Variants in CNBD1 observed in about 807,000 individuals in gnomAD.
CNBD1 encodes cyclic nucleotide binding domain containing 1, also known as cyclic nucleotide-binding domain-containing protein 1.
In CNBD1, 71 loss-of-function variants were observed where a neutral mutation model predicts 54.4. That is an observed-to-expected ratio of 1.30 (90% CI 1.08 to 1.59). The LOEUF (loss-of-function observed/expected upper bound fraction) is 1.59. Ranked by LOEUF, CNBD1 falls within the 40% of genes most tolerant of loss-of-function variation. The pLI is 0.00. For missense variants in CNBD1, 659 were observed against 518.0 expected (o/e 1.27, Z -2.64); for synonymous variants, 182 against 170.7 (o/e 1.07, Z -0.51).
chr8:86,873,620 C>A (rs1431206632), intron 1 of CNBD1, among the ~76,000 whole-genome samples: 1 of 151,786 alleles, frequency 6.6e-6, no homozygotes, highest in African/African-American at 2.4e-5. Flanking sequence ...ATAGTGAGAC[C>A]CTGTTTCTAC....
At chr8:87,217,334 A>G (rs948476125) in intron 5 of CNBD1, among the ~76,000 whole-genome samples, 2 of 152,078 alleles carry the variant, frequency 1.3e-5, no homozygotes, top group African/African-American at 4.8e-5. Flanking sequence ...ATCGTCACTC[A>G]GTTTTGTACC....
At chr8:87,198,981 T>C (rs1396592349) in intron 4 of CNBD1, among the ~76,000 whole-genome samples, 4 of 152,144 alleles carry the variant, frequency 2.6e-5, no homozygotes, top group African/African-American at 9.7e-5. Flanking sequence ...AATAGGCATG[T>C]CACAGGGTGA....
chr8:87,421,608 T>C (rs968110090), intron 2 of CNBD1, among the ~76,000 whole-genome samples: 1 of 152,050 alleles, frequency 6.6e-6, no homozygotes, highest in African/African-American at 2.4e-5. Context: ...CATGAACTCA[T>C]CATTTTTATG....
intron 4 of CNBD1, among the ~76,000 whole-genome samples, chr8:86,972,687 G>C (rs149169136): frequency 1.3e-5 from 2 of 152,248 alleles, no homozygotes; most frequent in Non-Finnish European, 2.9e-5. Flanking sequence ...TTTACAAACT[G>C]CATCAGCTGT....
intron 5 of CNBD1, among the ~76,000 whole-genome samples, chr8:87,209,804 G>A (rs1343088691): frequency 6.6e-6 from 1 of 152,082 alleles, no homozygotes; most frequent in Non-Finnish European, 1.5e-5. Flanking sequence ...AAAAACACAA[G>A]GCAATGGCAT....
At chr8:87,126,114 T>G (rs1321471769) in intron 4 of CNBD1, among the ~76,000 whole-genome samples, 2 of 152,004 alleles carry the variant, frequency 1.3e-5, no homozygotes, top group African/African-American at 4.8e-5. Flanking sequence ...TTCTGGCTAT[T>G]ACACATAAAG....
At chr8:87,369,643 T>G (rs1248445313) in intron 10 of CNBD1, among the ~76,000 whole-genome samples, 2 of 152,046 alleles carry the variant, frequency 1.3e-5, no homozygotes, top group Non-Finnish European at 2.9e-5. Flanking sequence ...TCTTCTGGCC[T>G]CTATAGTTTC....
chr8:87,186,218 C>T (rs746000766), intron 4 of CNBD1, among the ~76,000 whole-genome samples: 12 of 152,058 alleles, frequency 7.9e-5, no homozygotes, highest in African/African-American at 2.9e-4. Context: ...GATATTCTTA[C>T]TTGGCGTATC....
At chr8:87,285,398 G>C (rs1808674222) in intron 7 of CNBD1, among the ~76,000 whole-genome samples, 1 of 151,894 alleles carries the variant, frequency 6.6e-6, no homozygotes, top group African/African-American at 2.4e-5. Flanking sequence ...ATTTTTTCTT[G>C]ACTCCTATTT....
Position 86,887,610 on chromosome 8 carries a change from A to C in CNBD1, c.157A>C (p.Ser53Arg). The change falls in exon 2 of 11, where the codon AGC becomes CGC. Residue 53 changes from serine (S) to arginine (R), a missense_variant and splice_region_variant. Ser to Arg is a moderately radical substitution (Grantham distance 110, BLOSUM62 -1). Coordinates refer to ENST00000518476, the MANE Select transcript of CNBD1 (RefSeq NM_173538.3). ...ATTATGCCACATTAGAGGACAACAC[A>C]GGTAAGCTATTCATGCATTTCTTTT... ...NALCHIRGQHSRSMSNILSAH... is the reference protein window; with the variant it reads ...NALCHIRGQHRRSMSNILSAH... 1.9e-6 allele frequency: 3 copies of C among 1,574,110 alleles called. No individual in the cohort carries two copies. The highest frequency in any genetic ancestry group is 2.6e-6 in the Non-Finnish European group (3 of 1,156,050).
rs191300954 is a variant in CNBD1, at chr8:86,923,498, C to T, written c.273-16098C>T. On this transcript the variant is annotated intron_variant, in intron 3 of 10. Coordinates refer to ENST00000518476, the MANE Select transcript of CNBD1 (RefSeq NM_173538.3). Reference sequence around the variant, plus strand: ...GCTGGTGTTAATTGGTCTTAGGGTCCCTGCCCCTAGACCCAGGTGTTTTCC... The same window carrying T: ...GCTGGTGTTAATTGGTCTTAGGGTCTCTGCCCCTAGACCCAGGTGTTTTCC... 2.3e-3 allele frequency among the ~76,000 whole-genome samples: 354 copies of T among 152,150 alleles called. 2 individuals are homozygous for T. The highest frequency in any genetic ancestry group is 8.2e-3 in the African/African-American group (342 of 41,528).
chr8:86,908,398 G>C (rs1314490588), intron 3 of CNBD1, among the ~76,000 whole-genome samples: 2 of 152,164 alleles, frequency 1.3e-5, no homozygotes, highest in African/African-American at 4.8e-5. Flanking sequence ...TGACCCAGAA[G>C]ACTTGGTTTT....
intron 2 of CNBD1, among the ~76,000 whole-genome samples, chr8:87,388,278 A>G (rs1185066995): frequency 1.3e-5 from 2 of 152,202 alleles, no homozygotes; most frequent in Non-Finnish European, 2.9e-5. Context: ...GGAATTAGAG[A>G]CACAAAAAAC....
chr8:87,087,291 A>ATT (rs1554553606), intron 4 of CNBD1, among the ~76,000 whole-genome samples: 3 of 146,160 alleles, frequency 2.1e-5, no homozygotes, highest in African/African-American at 7.5e-5. Flanking sequence ...ATATATATAT[A>ATT]TTTTTTATTG....
At chr8:87,224,968 A>C (rs1252299667) in intron 5 of CNBD1, among the ~76,000 whole-genome samples, 4 of 152,138 alleles carry the variant, frequency 2.6e-5, no homozygotes, top group Non-Finnish European at 5.9e-5. Context: ...CATCCCTTGT[A>C]AGTTGGATTC....
intron 4 of CNBD1, among the ~76,000 whole-genome samples, chr8:87,191,704 A>G (rs989497870): frequency 6.6e-6 from 1 of 152,160 alleles, no homozygotes; most frequent in Non-Finnish European, 1.5e-5. Flanking sequence ...TGTATGTGCA[A>G]TTATTGTTAG....
chr8:87,263,813 G>A (rs1171116717), intron 6 of CNBD1, among the ~76,000 whole-genome samples: 1 of 151,864 alleles, frequency 6.6e-6, no homozygotes, highest in East Asian at 1.9e-4. Context: ...AAAATTAAAT[G>A]TAAAACATTA....
intron 4 of CNBD1, among the ~76,000 whole-genome samples, chr8:87,113,377 A>T (rs1811702902): frequency 6.6e-6 from 1 of 152,190 alleles, no homozygotes; most frequent in African/African-American, 2.4e-5. Context: ...TGGGCAAGAT[A>T]ATTAACCTTT....
At chr8:87,002,561 T>C (rs1379278210) in intron 4 of CNBD1, among the ~76,000 whole-genome samples, 1 of 152,018 alleles carries the variant, frequency 6.6e-6, no homozygotes, top group Non-Finnish European at 1.5e-5. Flanking sequence ...CCATCTCCTT[T>C]GCACTTACTC....
Sources: allele counts gnomAD v4.1 joint callset (sites outside exome capture counted in the v4.1 genomes callset), GRCh38; gene constraint gnomAD v4.1.1; transcripts MANE v1.5; gene names NCBI Gene and HGNC (gene_info 2026-07-23, HGNC 2026-07-21).